The following USP35 variants were observed in gnomAD, a reference collection of about 807,000 sequenced individuals.
USP35 encodes the protein ubiquitin carboxyl-terminal hydrolase 35.
A neutral mutation model predicts 83.8 loss-of-function variants in USP35; 69 were observed. The observed-to-expected ratio is 0.82, with a 90% CI of 0.68 to 1.01. The LOEUF is 1.01. Among genes scored for constraint, USP35 ranks in the 50% least tolerant of loss-of-function variants. USP35 has a pLI of 0.00. For synonymous variants in USP35, 714 were observed against 589.5 expected, an observed-to-expected ratio of 1.21 and a Z score of -3.06; for missense variants, 1,503 against 1,362.5, an observed-to-expected ratio of 1.10 and a Z score of -1.62.
At chr11:78,234,167 A>C in the USP35 span, among the ~76,000 whole-genome samples, 1 of 151,796 alleles carries the variant, frequency 6.6e-6, no homozygotes, top group Non-Finnish European at 1.5e-5. Context: ...TGCAGTCTTG[A>C]CCTCCCCCAG....
At chr11:78,199,277 G>C (rs1863263451) in intron 3 of USP35, 1 of 326,172 alleles carries the variant, frequency 3.1e-6, no homozygotes, top group Non-Finnish European at 5.9e-6. Context: ...TCTGGCCCAG[G>C]GGCAGTGCCC....
the USP35 span, chr11:78,223,571 C>T: frequency 6.2e-7 from 1 of 1,613,824 alleles, no homozygotes; most frequent in Non-Finnish European, 8.5e-7. Flanking sequence ...TGGGAATTAT[C>T]ACCTGCTCGT....
At chr11:78,222,911 T>C in the USP35 span, among the ~76,000 whole-genome samples, 7 of 152,172 alleles carry the variant, frequency 4.6e-5, no homozygotes, top group African/African-American at 1.7e-4. Flanking sequence ...ATTTGAAGTA[T>C]AGATGGTCAC....
the USP35 span, chr11:78,223,399 A>G: frequency 2.7e-6 from 4 of 1,507,214 alleles, no homozygotes; most frequent in Non-Finnish European, 3.6e-6. Context: ...GACAGGGGAA[A>G]GAATGGACTT....
rs183579662 is a variant in USP35 at position 78,200,586 on chromosome 11, A to T, written c.1039-64A>T. ...AGAGTGTTGCGTGCTGTCAGCAGGG[A>T]CCACAGCCCCGTGTCTCAGGTGGGC... On this transcript the variant is annotated intron_variant, in intron 5 of 10. Coordinates refer to ENST00000529308, the MANE Select transcript of USP35 (RefSeq NM_020798.4). 3.7e-4 allele frequency: 565 copies of T among 1,543,366 alleles called. 2 individuals are homozygous for T. The Middle Eastern group carries it at 3.9e-3, about 11-fold the overall frequency.
At chr11:78,205,605 G>T (rs990869338) in intron 6 of USP35, among the ~76,000 whole-genome samples, 4 of 152,086 alleles carry the variant, frequency 2.6e-5, no homozygotes, top group African/African-American at 9.7e-5. Context: ...TATAAAATGG[G>T]AATTATGCCA....
the USP35 span, among the ~76,000 whole-genome samples, chr11:78,224,089 AAAAAAT>A: frequency 6.6e-6 from 1 of 152,154 alleles, no homozygotes; most frequent in Non-Finnish European, 1.5e-5. Context: ...TTCAAAAAAT[AAAAAAT>A]AAAAAAAAGG....
the USP35 span, among the ~76,000 whole-genome samples, chr11:78,235,994 AT>A: frequency 1.3e-5 from 2 of 152,154 alleles, no homozygotes; most frequent in Non-Finnish European, 2.9e-5. Context: ...CGAGACTGGG[AT>A]TTTTATTTGG....
At chr11:78,224,380 A>T in the USP35 span, among the ~76,000 whole-genome samples, 1 of 152,014 alleles carries the variant, frequency 6.6e-6, no homozygotes, top group Non-Finnish European at 1.5e-5. Context: ...GCATATTAGG[A>T]GTCCTGGCTC....
In USP35 at chr11:78,199,306, G is replaced by A. The variant is rs116738219; in HGVS notation, c.807-289G>A. 1,471 of 365,852 alleles carry A rather than the reference G, an allele frequency of 4.0e-3. 17 individuals are homozygous for A. Among genetic ancestry groups the A allele is most frequent in the African/African-American group, 0.028 (1,354 of 49,002 alleles). 22.7% of individuals were successfully genotyped at this position (365,852 alleles called of 1,614,324 possible). On this transcript the variant is annotated intron_variant, in intron 3 of 10. Transcript: ENST00000529308. ...AGTGCCCTTCCAGGCAGAAGCAGCT[G>A]AAAGCCTTGTTCTGGCATTGCAGCC...
chr11:78,226,945 C>T, the USP35 span: 1 of 1,613,732 alleles, frequency 6.2e-7, no homozygotes, highest in Non-Finnish European at 8.5e-7. Flanking sequence ...TGGACTTGAC[C>T]ACTGATCCCG....
chr11:78,233,611 C>CT, the USP35 span, among the ~76,000 whole-genome samples: 5,511 of 151,448 alleles, frequency 0.036, 277 homozygotes, highest in African/African-American at 0.12. Context: ...TGTGATTTGT[C>CT]TTTTTTTTTG....
At chr11:78,221,036 A>C in the USP35 span, among the ~76,000 whole-genome samples, 2 of 152,216 alleles carry the variant, frequency 1.3e-5, no homozygotes, top group South Asian at 4.1e-4. Flanking sequence ...ACAAGCCCGC[A>C]TTTCTTCAGA....
In USP35 at chr11:78,200,183, G is replaced by A; in HGVS notation, c.987G>A (p.Val329=). The A allele has an allele frequency of 6.2e-7, 1 of 1,614,200 alleles. No individual in the cohort carries two copies. Among genetic ancestry groups the A allele is most frequent in the Admixed American group, 1.7e-5 (1 of 60,016 alleles). ...TCGTCCGGGGAGCTGCCTTGTCTGT[G>A]CTCAAGTACATGCTCCTGACCTTCC... ...YPIVRGAALS[V]LKYMLLTFQH... The change falls in exon 5 of 11, where the codon GTG becomes GTA. Residue 329 remains valine, a synonymous_variant. Transcript: ENST00000529308.
At chr11:78,198,813 G>T (rs1472530861) in intron 3 of USP35, 25 of 519,958 alleles carry the variant, frequency 4.8e-5, no homozygotes, top group Non-Finnish European at 3.2e-5. Context: ...TTCCTCAACT[G>T]TAAAATGGAG....
chr11:78,220,909 A>G, the USP35 span, among the ~76,000 whole-genome samples: 1 of 152,118 alleles, frequency 6.6e-6, no homozygotes, highest in African/African-American at 2.4e-5. Flanking sequence ...GTCGCACCAA[A>G]TCAGCCCCTG....
chr11:78,215,045 T>TA lies in USP35; in HGVS notation c.*1234dup, dbSNP rs1864049183. 6.6e-6 allele frequency among the ~76,000 whole-genome samples: 1 copy of TA among 152,090 alleles called. No homozygotes were observed. Among genetic ancestry groups the TA allele is most frequent in the Non-Finnish European group, 1.5e-5 (1 of 68,016 alleles). On this transcript the variant is annotated 3_prime_UTR_variant, in exon 11 of 11. Coordinates refer to ENST00000529308, the MANE Select transcript of USP35 (RefSeq NM_020798.4). ...TCACAGACCCTCAAGATGTCACATC[T>TA]AAGTGACCTGTGAAAGCAGCAGACA...
the USP35 span, chr11:78,222,224 C>T: frequency 6.9e-7 from 1 of 1,457,610 alleles, no homozygotes; most frequent in South Asian, 1.1e-5. Flanking sequence ...GTCTGGTAAT[C>T]AGCCAGTAAT....
At chr11:78,199,345 C>T (rs748759870) in intron 3 of USP35, 44 of 490,518 alleles carry the variant, frequency 9.0e-5, no homozygotes, top group Non-Finnish European at 1.4e-4. Context: ...TGTGGAGGGG[C>T]GAGACTTGGG....
Sources: allele counts gnomAD v4.1 joint callset (sites outside exome capture counted in the v4.1 genomes callset), GRCh38; gene constraint gnomAD v4.1.1; transcripts MANE v1.5; gene names NCBI Gene and HGNC (gene_info 2026-07-23, HGNC 2026-07-21).